The following SYMPK variants were observed in gnomAD, a reference collection of about 807,000 sequenced individuals.
SYMPK encodes symplekin.
SYMPK carries 49 observed loss-of-function variants against 136.4 expected under a neutral mutation model. That is an observed-to-expected ratio of 0.36 (90% CI 0.29 to 0.46). The LOEUF is 0.46. SYMPK is among the 20% of genes least tolerant of loss of function. The pLI, the probability that SYMPK is intolerant of heterozygous loss-of-function variation, is 1.00. For synonymous variants in SYMPK, 766 were observed against 713.0 expected (o/e 1.07, Z -1.19); for missense variants, 1,365 against 1,690.0 (o/e 0.81, Z 3.37).
intron 10 of SYMPK, among the ~76,000 whole-genome samples, chr19:45,838,213 G>A (rs1005839389): frequency 4.6e-5 from 7 of 151,890 alleles, no homozygotes; most frequent in African/African-American, 1.7e-4. Flanking sequence ...TCTGCCACAC[G>A]AGATGCCTGC....
chr19:45,832,005 C>A (rs1271658739), intron 11 of SYMPK, among the ~76,000 whole-genome samples: 1 of 151,980 alleles, frequency 6.6e-6, no homozygotes, highest in Non-Finnish European at 1.5e-5. Flanking sequence ...ACATACCTAG[C>A]TAATTTTTGT....
rs1354975674 is a variant in SYMPK, at chr19:45,816,155, G to A, written c.3383C>T (p.Pro1128Leu). 3.2e-6 allele frequency: 5 copies of A among 1,545,952 alleles called. No homozygotes were observed. The highest frequency in any genetic ancestry group is 4.8e-5 in the East Asian group (2 of 42,072). Residue 1128 changes from proline (P) to leucine (L), a missense_variant, in exon 26 of 27, where the codon CCG (proline) becomes CTG (leucine). Physicochemically the swap from Pro to Leu is moderately conservative, Grantham distance 98 (BLOSUM62 -3). Coordinates refer to ENST00000245934, the MANE Select transcript of SYMPK (RefSeq NM_004819.3). ...EDDLEPLTLA[P>L]APAPRPPQDL... ...CTGAGGGGGCCGGGGTGCTGGGGCC[G>A]GGGCCAAGGTCAGGGGCTCCAGATC...
intron 5 of SYMPK, among the ~76,000 whole-genome samples, chr19:45,851,304 C>T (rs1568624981): frequency 6.6e-6 from 1 of 152,122 alleles, no homozygotes; most frequent in Non-Finnish European, 1.5e-5. Flanking sequence ...TGCTGGGCGT[C>T]GTGGCTCATG....
intron 3 of SYMPK, among the ~76,000 whole-genome samples, chr19:45,853,884 G>A (rs1468393729): frequency 6.6e-6 from 1 of 152,194 alleles, no homozygotes; most frequent in Non-Finnish European, 1.5e-5. Context: ...GTAGGATTTG[G>A]AGCTGGAATC....
Position 45,831,500 on chromosome 19 carries a change from T to C in SYMPK, c.1482A>G (p.Ser494=), listed in dbSNP as rs892692389. The C allele has an allele frequency of 6.2e-7, 1 of 1,610,948 alleles. No homozygotes were observed. The highest frequency in any genetic ancestry group is 8.5e-7 in the Non-Finnish European group (1 of 1,179,026). The change falls in exon 12 of 27, where the codon TCA becomes TCG. Residue 494 remains serine (S), a synonymous_variant. Coordinates refer to ENST00000245934, the MANE Select transcript of SYMPK (RefSeq NM_004819.3). ...TESVLIKRRL[S]AQGQAISVVG... is the part of the protein sequence containing the mutation. ...CCACCGAGATGGCTTGGCCCTGGGC[T>C]GACAGGCGCCGCTTGATCAGGACGC... is the stretch of plus-strand genomic sequence containing the variant.
chr19:45,817,030 C>T, intron 23 of SYMPK, 56 bp from the exon 24 acceptor site: 1 of 1,515,738 alleles, frequency 6.6e-7, no homozygotes. Flanking sequence ...CCCCCCGAGC[C>T]TTGACACTGG....
At chr19:45,850,230 G>C (rs1971667085) in intron 5 of SYMPK, among the ~76,000 whole-genome samples, 2 of 152,094 alleles carry the variant, frequency 1.3e-5, no homozygotes, top group Non-Finnish European at 2.9e-5. Context: ...GGCCGACAGA[G>C]TGAGATTCCA....
intron 10 of SYMPK, among the ~76,000 whole-genome samples, chr19:45,835,557 T>C (rs894697903): frequency 2.0e-5 from 3 of 151,934 alleles, no homozygotes; most frequent in African/African-American, 7.2e-5. Flanking sequence ...GGGGTGTGTA[T>C]TCCCCGTAGA....
intron 25 of SYMPK, 100 bp from the exon 26 acceptor site, chr19:45,816,283 C>T: frequency 8.8e-7 from 1 of 1,135,528 alleles, no homozygotes; most frequent in South Asian, 1.6e-5. Context: ...GAGTTCTTCA[C>T]CAAGAGCATG....
chr19:45,822,117 T>TC (rs1970918584), intron 21 of SYMPK, among the ~76,000 whole-genome samples: 1 of 3,188 alleles, frequency 3.1e-4, no homozygotes, highest in African/African-American at 2.6e-3. Flanking sequence ...TTTTGCTTCT[T>TC]TTTTTTTTTT....
intron 18 of SYMPK, among the ~76,000 whole-genome samples, chr19:45,824,391 A>C (rs1003037256): frequency 2.0e-5 from 3 of 152,066 alleles, no homozygotes; most frequent in Admixed American, 2.0e-4. Flanking sequence ...TGCCCTCGAG[A>C]AGCTCACAGC....
chr19:45,825,199 C>T lies in SYMPK; in HGVS notation c.2462G>A (p.Arg821Gln), dbSNP rs756379160. 6.2e-7 allele frequency: 1 copy of T among 1,613,998 alleles called. No homozygotes were observed. The highest frequency in any genetic ancestry group is 1.7e-5 in the Admixed American group (1 of 60,012). Residue 821 changes from arginine (R) to glutamine (Q), a missense_variant, in exon 18 of 27, where the codon CGG becomes CAG. Coordinates refer to ENST00000245934, the MANE Select transcript of SYMPK (RefSeq NM_004819.3). ...VYTEAIADIKRTVLRVIEQPI... is the reference protein window; with the variant it reads ...VYTEAIADIKQTVLRVIEQPI... ...CTGCTCAATGACCCTCAGCACCGTC[C>T]GCTTGATGTCGGCGATGGCTTCAGT...
rs753755980 is a variant in SYMPK at position 45,835,244 on chromosome 19, G to C, written c.1243-16C>G. The stretch of plus-strand genomic sequence containing the variant: ...TGATGAGGACCTGTGGGATGCCCAG[G>C]AAGAGAGCCTCTCCTTAATCATTAA... On this transcript the variant is annotated splice_polypyrimidine_tract_variant and intron_variant, in intron 10 of 26. Coordinates refer to ENST00000245934, the MANE Select transcript of SYMPK (RefSeq NM_004819.3). 3.8e-6 allele frequency: 6 copies of C among 1,559,098 alleles called. No individual in the cohort carries two copies. Among genetic ancestry groups the C allele is most frequent in the Non-Finnish European group, 5.2e-6 (6 of 1,152,374 alleles).
chr19:45,815,769 C>T, intron 26 of SYMPK, 72 bp from the exon 27 acceptor site: 7 of 1,587,732 alleles, frequency 4.4e-6, no homozygotes, highest in African/African-American at 1.3e-5. Flanking sequence ...TCAGGCCCTG[C>T]CCCCTGATGG....
Position 45,821,074 on chromosome 19 carries a change from G to A in SYMPK, c.2893+310C>T. On this transcript the variant is annotated intron_variant, in intron 22 of 26. Transcript: ENST00000245934. This position sits in a 1 kb window ranked among gnomAD's most constrained non-coding sequence, Gnocchi z 4.4. ...GCCCTGCTTCCTTCTGTTCCTCGGG[G>A]CTAGGGGTGGGGCTACCCAACTGCT... 1 of 638,920 alleles carries A rather than the reference G, an allele frequency of 1.6e-6. No homozygotes were observed. Among genetic ancestry groups the A allele is most frequent in the Non-Finnish European group, 2.8e-6 (1 of 356,878 alleles). The allele number at this position is 638,920 out of a possible 1,614,324, so 39.6% of individuals were successfully genotyped here.
rs1280853131 is a variant in SYMPK, at chr19:45,816,472, G to A, written c.3354+10C>T. The A allele has an allele frequency of 1.9e-6, 3 of 1,608,788 alleles. No homozygotes were observed. The highest frequency in any genetic ancestry group is 1.3e-5 in the African/African-American group (1 of 74,872). ...TGGGGATCCAGATGGGTGGGCTGCA[G>A]GGCCCTCACCTCCTCCAAGGGCCCC... On this transcript the variant is annotated intron_variant, in intron 25 of 26. Coordinates refer to ENST00000245934, the MANE Select transcript of SYMPK (RefSeq NM_004819.3).
At position 45,847,879 on chromosome 19, in the gene SYMPK, G is replaced by A; in HGVS notation, c.549C>T (p.Ala183=). ...DSDNDGIRTH[A]IKFVEGLIVT... is the part of the protein sequence containing the mutation. ...CAATGAGGCCCTCCACAAACTTGAT[G>A]GCGTGGGTGCGGATGCCGTCATTGT... Residue 183 remains alanine (A), a synonymous_variant, in exon 7 of 27, where the codon GCC becomes GCT. Transcript: ENST00000245934. The A allele has an allele frequency of 1.2e-6, 2 of 1,614,048 alleles. No individual in the cohort carries two copies. The highest frequency in any genetic ancestry group is 1.7e-6 in the Non-Finnish European group (2 of 1,180,002).
intron 9 of SYMPK, among the ~76,000 whole-genome samples, chr19:45,840,307 T>A (rs1409449402): frequency 1.9e-5 from 2 of 105,664 alleles, no homozygotes; most frequent in Non-Finnish European, 3.6e-5. Flanking sequence ...AGAGCGAGAC[T>A]GTCTCAAAAA....
intron 5 of SYMPK, among the ~76,000 whole-genome samples, chr19:45,851,547 C>T (rs1438553498): frequency 6.8e-6 from 1 of 148,114 alleles, no homozygotes; most frequent in African/African-American, 2.5e-5. Context: ...CACTGTACTC[C>T]AGCCTGGACA....
Sources: gnomAD v4.1 joint callset for allele counts (sites outside exome capture counted in the v4.1 genomes callset) on GRCh38, gnomAD v4.1.1 for gene constraint, Gnocchi (gnomAD v3.1) non-coding constraint, MANE v1.5 for transcripts, NCBI Gene and HGNC (gene_info 2026-07-23, HGNC 2026-07-21) for gene names.